Variants in SLC4A8 observed in about 807,000 individuals in gnomAD.
SLC4A8 encodes electroneutral sodium bicarbonate exchanger 1.
In SLC4A8, 40 loss-of-function variants were observed where a neutral mutation model predicts 125.0. That is an observed-to-expected ratio of 0.32 (90% CI 0.25 to 0.42). The LOEUF is 0.42. SLC4A8 is among the 10% of genes least tolerant of loss of function. SLC4A8 has a pLI of 1.00. For synonymous variants in SLC4A8, 456 were observed against 476.0 expected, an observed-to-expected ratio of 0.96 and a Z score of 0.55; for missense variants, 863 against 1,355.1, an observed-to-expected ratio of 0.64 and a Z score of 5.70.
chr12:51,406,278 G>A lies in SLC4A8; in HGVS notation c.-112+14790G>A, dbSNP rs143347256. On this transcript the variant is annotated intron_variant, in intron 1 of 24. Coordinates refer to the SLC4A8 transcript ENST00000358657. The stretch of plus-strand genomic sequence containing the variant: ...TATCCCGAGGGAGAGATTTTGGCCT[G>A]GTATAAATAACATTCTAAGTCTATT... Among the ~76,000 whole-genome samples, 294 of 152,252 alleles carry A rather than the reference G, an allele frequency of 1.9e-3. 1 individual carries two copies. The highest frequency in any genetic ancestry group is 1.9e-3 in the Non-Finnish European group (128 of 68,022).
intron 1 of SLC4A8, among the ~76,000 whole-genome samples, chr12:51,439,221 TA>T (rs1949515740): frequency 6.6e-6 from 1 of 152,114 alleles, no homozygotes; most frequent in Admixed American, 6.5e-5. Flanking sequence ...CACACCCAGA[TA>T]ATTTTTTTAT....
chr12:51,493,594 A>T, intron 19 of SLC4A8, 110 bp from the exon 20 acceptor site: 1 of 742,716 alleles, frequency 1.3e-6, no homozygotes, highest in East Asian at 2.5e-5. Flanking sequence ...ATGTGTCTGC[A>T]GCTATTTTGT....
chr12:51,419,005 G>C lies in SLC4A8; in HGVS notation c.-111-21703G>C, dbSNP rs183999631. 7.2e-5 allele frequency among the ~76,000 whole-genome samples: 11 copies of C among 152,270 alleles called. No individual in the cohort carries two copies. In the East Asian group the frequency reaches 1.7e-3, roughly 24 times the overall value. On this transcript the variant is annotated intron_variant, in intron 1 of 24. Coordinates refer to the SLC4A8 transcript ENST00000358657. ...GGAGAAACCCTGGGCTTTTGCTGGTGGGGGAGGGGTTAATGTCAGTTCTAA... is the reference window on the plus strand; with the variant it reads ...GGAGAAACCCTGGGCTTTTGCTGGTCGGGGAGGGGTTAATGTCAGTTCTAA...
chr12:51,433,708 C>T (rs995069063), intron 1 of SLC4A8, among the ~76,000 whole-genome samples: 3 of 152,134 alleles, frequency 2.0e-5, no homozygotes, highest in African/African-American at 7.2e-5. Context: ...ATGTTCCTTT[C>T]TTTTCATTTT....
intron 1 of SLC4A8, among the ~76,000 whole-genome samples, chr12:51,395,524 G>A (rs534624935): frequency 2.3e-4 from 35 of 152,328 alleles, no homozygotes; most frequent in Middle Eastern, 3.4e-3. Flanking sequence ...GTTGACACCA[G>A]CCCTGGCCTT....
chr12:51,459,850 T>A (rs964029607), intron 7 of SLC4A8, 101 bp from the exon 8 acceptor site: 3 of 969,172 alleles, frequency 3.1e-6, no homozygotes, highest in Non-Finnish European at 3.1e-6. Flanking sequence ...GAGTGGGTGA[T>A]GTAGTGAGAC....
chr12:51,416,936 G>A (rs1276611287), intron 1 of SLC4A8, among the ~76,000 whole-genome samples: 1 of 152,040 alleles, frequency 6.6e-6, no homozygotes. Flanking sequence ...ACCAGCCTGG[G>A]TAACATGGTG....
At chr12:51,442,905 A>G (rs1265899151) in intron 2 of SLC4A8, among the ~76,000 whole-genome samples, 1 of 152,180 alleles carries the variant, frequency 6.6e-6, no homozygotes, top group Non-Finnish European at 1.5e-5. Flanking sequence ...GAATAAAACG[A>G]GTACCATTTT....
chr12:51,411,488 C>T lies in SLC4A8; in HGVS notation c.-112+20000C>T, dbSNP rs549046111. On this transcript the variant is annotated intron_variant, in intron 1 of 24. Transcript: ENST00000358657. ...CCTGTAGTCCCAGCTACTCAGGAGGCTGAGGTAGGAGGATCACCTGAGCCC... is the reference window on the plus strand; with the variant it reads ...CCTGTAGTCCCAGCTACTCAGGAGGTTGAGGTAGGAGGATCACCTGAGCCC... 3.3e-5 allele frequency among the ~76,000 whole-genome samples: 5 copies of T among 152,106 alleles called. No individual in the cohort carries two copies. The South Asian group carries it at 1.0e-3, about 32-fold the overall frequency.
chr12:51,480,826 G>A (rs993264816), intron 16 of SLC4A8, among the ~76,000 whole-genome samples: 1 of 152,196 alleles, frequency 6.6e-6, no homozygotes, highest in Non-Finnish European at 1.5e-5. Context: ...GAATGTGCCT[G>A]CTGTTTCTCT....
intron 12 of SLC4A8, 131 bp from the exon 13 acceptor site, chr12:51,470,261 C>T: frequency 1.3e-6 from 1 of 776,872 alleles, no homozygotes; most frequent in East Asian, 2.5e-5. Context: ...GTACACATCA[C>T]TCTTGCTAAG....
intron 17 of SLC4A8, among the ~76,000 whole-genome samples, chr12:51,486,710 C>T (rs1052267826): frequency 2.6e-5 from 4 of 152,112 alleles, no homozygotes; most frequent in Non-Finnish European, 2.9e-5. Context: ...AGGAGAAGGC[C>T]GACAGGAATA....
intron 15 of SLC4A8, 165 bp downstream of exon 15, chr12:51,474,612 T>G: frequency 7.7e-7 from 1 of 1,290,494 alleles, no homozygotes; most frequent in Non-Finnish European, 1.0e-6. Flanking sequence ...TTCAGAATTT[T>G]TCTTGTATGT....
At chr12:51,417,766 TCA>T (rs1365366899) in intron 1 of SLC4A8, among the ~76,000 whole-genome samples, 1 of 152,176 alleles carries the variant, frequency 6.6e-6, no homozygotes, top group Non-Finnish European at 1.5e-5. Context: ...TCTGCCCACC[TCA>T]GCCTCCCAAA....
chr12:51,457,283 C>A, intron 5 of SLC4A8, 68 bp from the exon 6 acceptor site: 1 of 1,389,264 alleles, frequency 7.2e-7, no homozygotes, highest in Non-Finnish European at 1.0e-6. Flanking sequence ...CCCCACTCCA[C>A]CTGATGTTGG....
intron 6 of SLC4A8, among the ~76,000 whole-genome samples, chr12:51,457,979 C>G (rs1950207206): frequency 6.6e-6 from 1 of 152,168 alleles, no homozygotes; most frequent in African/African-American, 2.4e-5. Context: ...TTTGGGCACT[C>G]TACTAAGCCT....
Position 51,474,445 on chromosome 12 carries a change from A to G in SLC4A8, c.2008A>G (p.Ser670Gly), listed in dbSNP as rs779405090. Reference sequence around the variant, plus strand: ...AGTCCACTGGGCTAACCTGACTGTCAGTGTAAGTCTGGGAGCTGCCAGATG... The same window carrying G: ...AGTCCACTGGGCTAACCTGACTGTCGGTGTAAGTCTGGGAGCTGCCAGATG... The part of the protein sequence containing the change: ...AEVHWANLTV[S>G]ECQEMHGEFM... Residue 670 changes from serine (S) to glycine (G), a missense_variant and splice_region_variant, in exon 15 of 25, where the codon AGT (serine) becomes GGT (glycine). Ser to Gly is a moderately conservative substitution (Grantham distance 56). Around this residue, in one of 6 missense-constraint regions of SLC4A8, gnomAD observed 76 missense variants for 80.2 expected, o/e 0.95. Transcript: ENST00000453097. 6.2e-7 allele frequency: 1 copy of G among 1,613,146 alleles called. No homozygotes were observed. The highest frequency in any genetic ancestry group is 8.5e-7 in the Non-Finnish European group (1 of 1,179,408).
rs374203703 is a variant in SLC4A8 at position 51,470,874 on chromosome 12, G to T, written c.1658+349G>T. 2.4e-3 allele frequency among the ~76,000 whole-genome samples: 303 copies of T among 124,022 alleles called. 2 individuals are homozygous for T. Among genetic ancestry groups the T allele is most frequent in the African/African-American group, 7.5e-3 (273 of 36,320 alleles). 81.4% of individuals were successfully genotyped at this position (124,022 alleles called of 152,430 possible). A position where few individuals can be genotyped will look rare whatever the true frequency, so the allele number is the denominator to read the frequency against. ...TCCCCCTGCTGTTTTTTTTTGTTTT[G>T]TTTTGTTTTTTTGCTATTGATAGTG... On this transcript the variant is annotated intron_variant, in intron 13 of 24. Coordinates refer to ENST00000453097, the MANE Select transcript of SLC4A8 (RefSeq NM_001039960.3).
intron 13 of SLC4A8, among the ~76,000 whole-genome samples, chr12:51,470,769 A>G (rs1157223591): frequency 6.6e-6 from 1 of 152,176 alleles, no homozygotes; most frequent in Non-Finnish European, 1.5e-5. Flanking sequence ...TTGACTTTTT[A>G]TCTTTAAAAA....
Sources: allele counts gnomAD v4.1 joint callset (sites outside exome capture counted in the v4.1 genomes callset), GRCh38; gene constraint gnomAD v4.1.1; regional missense constraint gnomAD v4.1.1; transcripts MANE v1.5; gene names NCBI Gene and HGNC (gene_info 2026-07-23, HGNC 2026-07-21).